The following MBNL2 variants were observed in gnomAD, a reference collection of about 807,000 sequenced individuals.
MBNL2 encodes muscleblind like splicing regulator 2.
In MBNL2, 17 loss-of-function variants were observed where a neutral mutation model predicts 41.9. The ratio of observed to expected loss-of-function variants is 0.41; its 90% CI spans 0.28 to 0.61. The LOEUF (loss-of-function observed/expected upper bound fraction) is 0.61. Among genes scored for constraint, MBNL2 ranks in the 20% least tolerant of loss-of-function variants. MBNL2 has a pLI of 0.35. For synonymous variants in MBNL2, 195 were observed against 182.9 expected (o/e 1.07, Z -0.53); for missense variants, 336 against 505.6 (o/e 0.66, Z 3.22).
At chr13:97,283,989 A>G (rs906815196) in intron 2 of MBNL2, among the ~76,000 whole-genome samples, 1 of 152,172 alleles carries the variant, frequency 6.6e-6, no homozygotes, top group Admixed American at 6.5e-5. Context: ...CTTTATCTGG[A>G]GAGAGAAAGC....
At chr13:97,199,001 C>T in the MBNL2 span, among the ~76,000 whole-genome samples, 1 of 152,260 alleles carries the variant, frequency 6.6e-6, no homozygotes, top group East Asian at 1.9e-4. Flanking sequence ...AGAGGACAAG[C>T]CATAGATCTT....
At chr13:97,250,516 A>G (rs911354280) in intron 1 of MBNL2, among the ~76,000 whole-genome samples, 3 of 137,034 alleles carry the variant, frequency 2.2e-5, no homozygotes, top group Non-Finnish European at 4.6e-5. Flanking sequence ...CATTAAAAAC[A>G]TAAACCAAAA....
chr13:97,371,698 G>C (rs557657650), intron 8 of MBNL2, among the ~76,000 whole-genome samples: 13 of 152,280 alleles, frequency 8.5e-5, no homozygotes, highest in Middle Eastern at 3.4e-3. Flanking sequence ...GTTTTAACAA[G>C]AGCCTAAACT....
At chr13:97,277,164 T>C (rs1482368154) in intron 2 of MBNL2, among the ~76,000 whole-genome samples, 1 of 152,164 alleles carries the variant, frequency 6.6e-6, no homozygotes. Flanking sequence ...ATCTGAGTCA[T>C]ATACTGAGTT....
chr13:97,279,414 C>T (rs1337547490), intron 2 of MBNL2, among the ~76,000 whole-genome samples: 2 of 152,170 alleles, frequency 1.3e-5, no homozygotes, highest in African/African-American at 4.8e-5. Flanking sequence ...AGTCCAGGAC[C>T]GAACAAGTTA....
chr13:97,145,989 C>CTTTTCTTT, the MBNL2 span, among the ~76,000 whole-genome samples: 118 of 141,762 alleles, frequency 8.3e-4, 1 homozygote, highest in African/African-American at 3.5e-3. Context: ...CTTTTCTTTT[C>CTTTTCTTT]TTTTCTTTTC....
chr13:97,377,308 A>G (rs2065050807), intron 8 of MBNL2, among the ~76,000 whole-genome samples: 1 of 152,206 alleles, frequency 6.6e-6, no homozygotes, highest in African/African-American at 2.4e-5. Flanking sequence ...GAGGAAAAGG[A>G]CCTAGAGTGG....
intron 2 of MBNL2, among the ~76,000 whole-genome samples, chr13:97,301,158 G>A: frequency 6.6e-6 from 1 of 152,208 alleles, no homozygotes; most frequent in Non-Finnish European, 1.5e-5. Context: ...TGTGATATTT[G>A]TCTAGACATA....
chr13:97,252,111 A>G (rs1388471554), intron 1 of MBNL2, among the ~76,000 whole-genome samples: 1 of 151,802 alleles, frequency 6.6e-6, no homozygotes, highest in Non-Finnish European at 1.5e-5. Context: ...CGGCCTCCCA[A>G]AGTGCTGGGA....
intron 2 of MBNL2, among the ~76,000 whole-genome samples, chr13:97,311,326 T>C (rs1294423539): frequency 6.6e-6 from 1 of 152,112 alleles, no homozygotes; most frequent in African/African-American, 2.4e-5. Flanking sequence ...GGAGATAAAA[T>C]TATTTGTTCA....
At chr13:97,375,649 G>A (rs1025831759) in intron 8 of MBNL2, among the ~76,000 whole-genome samples, 4 of 152,268 alleles carry the variant, frequency 2.6e-5, no homozygotes, top group East Asian at 1.9e-4. Context: ...ATGTGAAGAC[G>A]TCACATGTTT....
At position 97,391,473 on chromosome 13, in the gene MBNL2, A is replaced by T. The variant is rs773221009; in HGVS notation, c.*24A>T. Reference sequence around the variant, plus strand: ...AAATAAAGATGTAGTTCTTCTGGACAGACCACAACTCTAAGAAGCTAGTGC... The same window carrying T: ...AAATAAAGATGTAGTTCTTCTGGACTGACCACAACTCTAAGAAGCTAGTGC... On this transcript the variant is annotated 3_prime_UTR_variant, in exon 9 of 9. Coordinates refer to ENST00000679496, the MANE Select transcript of MBNL2 (RefSeq NM_001382683.1). 1.1e-6 allele frequency: 1 copy of T among 933,286 alleles called. No homozygotes were observed. Among genetic ancestry groups the T allele is most frequent in the Non-Finnish European group, 1.8e-6 (1 of 561,268 alleles). The allele number at this position is 933,286 out of a possible 1,614,324, so 57.8% of individuals were successfully genotyped here.
intron 2 of MBNL2, among the ~76,000 whole-genome samples, chr13:97,292,221 A>C (rs1413036264): frequency 6.7e-6 from 1 of 149,486 alleles, no homozygotes; most frequent in South Asian, 2.1e-4. Context: ...AAAAAAAAAA[A>C]AGTGATTGCT....
intron 8 of MBNL2, among the ~76,000 whole-genome samples, chr13:97,368,685 T>C (rs1255441500): frequency 3.3e-5 from 5 of 149,448 alleles, no homozygotes; most frequent in African/African-American, 5.0e-5. Flanking sequence ...AGAGATTCCA[T>C]AGGTATATTC....
chr13:97,208,654 A>G, the MBNL2 span, among the ~76,000 whole-genome samples: 23 of 152,340 alleles, frequency 1.5e-4, no homozygotes, highest in African/African-American at 5.3e-4. Context: ...TGACAAAACT[A>G]GGAAAGAGCC....
At chr13:97,241,178 T>C (rs1289984615) in intron 1 of MBNL2, among the ~76,000 whole-genome samples, 1 of 152,206 alleles carries the variant, frequency 6.6e-6, no homozygotes, top group Non-Finnish European at 1.5e-5. Flanking sequence ...TTCCTGGATG[T>C]GCTGACCCAG....
chr13:97,272,413 C>T (rs2051236936), intron 1 of MBNL2, among the ~76,000 whole-genome samples: 1 of 152,188 alleles, frequency 6.6e-6, no homozygotes, highest in African/African-American at 2.4e-5. Context: ...CCCGTTCACT[C>T]TAATGATAGT....
At chr13:97,340,535 A>G (rs377427239) in intron 3 of MBNL2, among the ~76,000 whole-genome samples, 2 of 152,254 alleles carry the variant, frequency 1.3e-5, no homozygotes, top group East Asian at 3.9e-4. Flanking sequence ...CTTTTTACTG[A>G]GTTCTGACCA....
In MBNL2 at chr13:97,334,431, T is replaced by C. The variant is rs751089445; in HGVS notation, c.330T>C (p.Leu110=). ...QMQFMFPGTP[L]HPVPTFPVGP... The stretch of plus-strand genomic sequence containing the variant: ...AATTTATGTTTCCAGGAACACCACT[T>C]CATCCAGTGGTGAGTACATCTTTAT... Residue 110 remains leucine, a synonymous_variant, in exon 3 of 9, where the codon CTT becomes CTC. Coordinates refer to ENST00000679496, the MANE Select transcript of MBNL2 (RefSeq NM_001382683.1). This position sits in a 1 kb window ranked among gnomAD's most constrained non-coding sequence, Gnocchi z 5.3. 7.5e-6 allele frequency: 12 copies of C among 1,609,470 alleles called. No individual in the cohort carries two copies. Among genetic ancestry groups the C allele is most frequent in the African/African-American group, 1.3e-5 (1 of 74,850 alleles).
Sources: gnomAD v4.1 joint callset for allele counts (sites outside exome capture counted in the v4.1 genomes callset) on GRCh38, gnomAD v4.1.1 for gene constraint, Gnocchi (gnomAD v3.1) non-coding constraint, MANE v1.5 for transcripts, NCBI Gene and HGNC (gene_info 2026-07-23, HGNC 2026-07-21) for gene names.